The following RGS6 variants were observed in gnomAD, a reference collection of about 807,000 sequenced individuals.
The protein encoded by RGS6 is regulator of G protein signaling 6.
RGS6 carries 30 observed loss-of-function variants against 78.5 expected under a neutral mutation model. The ratio of observed to expected loss-of-function variants is 0.38; its 90% CI spans 0.29 to 0.52. RGS6 has a LOEUF of 0.52. Among genes scored for constraint, RGS6 ranks in the 20% least tolerant of loss-of-function variants. The pLI is 0.85. For missense variants in RGS6, 495 were observed against 609.7 expected (o/e 0.81, Z 1.98); for synonymous variants, 206 against 206.0 (o/e 1.00, Z 0.00).
chr14:72,182,837 T>C lies in RGS6; in HGVS notation c.85-169258T>C, dbSNP rs140035891. Reference sequence around the variant, plus strand: ...GAATGGGCACGATTTAGCAGAACTTTACAAAGCTGTGTCTTGAAGAGCTTT... The same window carrying C: ...GAATGGGCACGATTTAGCAGAACTTCACAAAGCTGTGTCTTGAAGAGCTTT... On this transcript the variant is annotated intron_variant, in intron 2 of 17. Transcript: ENST00000553525. Among the ~76,000 whole-genome samples, 300 of 152,358 alleles carry C rather than the reference T, an allele frequency of 2.0e-3. 2 individuals carry two copies. The highest frequency in any genetic ancestry group is 6.6e-3 in the African/African-American group (275 of 41,582).
chr14:72,104,847 A>T (rs2095600780), intron 2 of RGS6, among the ~76,000 whole-genome samples: 2 of 152,172 alleles, frequency 1.3e-5, no homozygotes, highest in Non-Finnish European at 2.9e-5. Flanking sequence ...TAGGGTACAG[A>T]ATTCTGTGTT....
chr14:71,885,231 C>T, the RGS6 span, among the ~76,000 whole-genome samples: 1 of 152,174 alleles, frequency 6.6e-6, no homozygotes, highest in African/African-American at 2.4e-5. Context: ...AAAACCTAAA[C>T]ATTTCTACTC....
At chr14:72,626,791 C>T in the RGS6 span, among the ~76,000 whole-genome samples, 7 of 152,074 alleles carry the variant, frequency 4.6e-5, no homozygotes, top group African/African-American at 1.7e-4. Context: ...TGTATTCCCA[C>T]CAACAATGTA....
chr14:72,550,354 C>T, intron 17 of RGS6: 1 of 930,210 alleles, frequency 1.1e-6, no homozygotes. Context: ...CAGAGGGCAC[C>T]TGTACTTAGT....
At chr14:72,159,180 C>T (rs1197299735) in intron 2 of RGS6, among the ~76,000 whole-genome samples, 1 of 152,186 alleles carries the variant, frequency 6.6e-6, no homozygotes, top group East Asian at 1.9e-4. Flanking sequence ...GAGTTAGTTA[C>T]ATTTTACAGA....
At chr14:72,541,721 T>G in intron 17 of RGS6, 2 of 1,308,292 alleles carry the variant, frequency 1.5e-6, no homozygotes, top group Non-Finnish European at 2.1e-6. Flanking sequence ...AGGGTGCCTG[T>G]GTAAGCAGAG....
intron 2 of RGS6, among the ~76,000 whole-genome samples, chr14:72,300,544 A>G (rs540238226): frequency 5.5e-4 from 84 of 152,314 alleles, no homozygotes; most frequent in African/African-American, 1.1e-3. Context: ...CTTATTTGTT[A>G]AACACCTGGA....
At chr14:72,226,032 C>A (rs2048050023) in intron 2 of RGS6, among the ~76,000 whole-genome samples, 1 of 152,110 alleles carries the variant, frequency 6.6e-6, no homozygotes, top group Non-Finnish European at 1.5e-5. Flanking sequence ...ATCCAGTTTT[C>A]TTGCTTAAAA....
chr14:72,106,769 T>C (rs2095641609), intron 2 of RGS6, among the ~76,000 whole-genome samples: 1 of 152,170 alleles, frequency 6.6e-6, no homozygotes, highest in African/African-American at 2.4e-5. Context: ...CTGTTAGACC[T>C]GTTGGAGGTT....
chr14:71,996,684 C>G (rs544935775), intron 2 of RGS6, among the ~76,000 whole-genome samples: 1 of 151,750 alleles, frequency 6.6e-6, no homozygotes, highest in Admixed American at 6.6e-5. Flanking sequence ...ATATAACAGA[C>G]GGTCAATAAA....
At chr14:72,351,309 G>A (rs1363634470) in intron 2 of RGS6, among the ~76,000 whole-genome samples, 1 of 152,084 alleles carries the variant, frequency 6.6e-6, no homozygotes, top group Non-Finnish European at 1.5e-5. Flanking sequence ...AAATTACTCT[G>A]GCTCGTAAAT....
chr14:72,300,182 ATCTT>A (rs954107504), intron 2 of RGS6, among the ~76,000 whole-genome samples: 10 of 151,498 alleles, frequency 6.6e-5, no homozygotes, highest in African/African-American at 2.4e-4. Context: ...CTTTTTCTCT[ATCTT>A]TTTTTTTTCT....
chr14:72,334,928 C>T (rs1275300699), intron 2 of RGS6, among the ~76,000 whole-genome samples: 2 of 152,174 alleles, frequency 1.3e-5, no homozygotes, highest in African/African-American at 4.8e-5. Flanking sequence ...TATGGTTTGG[C>T]TGTGTCCACA....
chr14:72,353,988 A>ACAG (rs1229845854), intron 3 of RGS6, among the ~76,000 whole-genome samples: 9 of 151,232 alleles, frequency 6.0e-5, no homozygotes, highest in Non-Finnish European at 1.0e-4. Context: ...TGTCTCAGCA[A>ACAG]CAACAACAAC....
intron 2 of RGS6, among the ~76,000 whole-genome samples, chr14:72,168,850 C>A (rs918607912): frequency 6.6e-6 from 1 of 152,148 alleles, no homozygotes. Flanking sequence ...CAGGCAGGAG[C>A]CTTTCTTGCC....
chr14:72,257,237 C>T (rs891346193), intron 2 of RGS6, among the ~76,000 whole-genome samples: 5 of 152,166 alleles, frequency 3.3e-5, no homozygotes, highest in African/African-American at 1.2e-4. Context: ...TTCAAAACTG[C>T]TTTAGAGTTT....
rs536329926 is a variant in RGS6, at chr14:72,468,573, C to T, written c.460-1434C>T. On this transcript the variant is annotated intron_variant, in intron 7 of 17. Transcript: ENST00000553525. ...GAGAATATAACCTGTGACTCCCCCT[C>T]ACCTAAGTTTTTTCTATGCATACAT... 2.0e-5 allele frequency among the ~76,000 whole-genome samples: 3 copies of T among 152,296 alleles called. No homozygotes were observed. In the South Asian group the frequency reaches 6.2e-4, roughly 32 times the overall value.
chr14:72,587,558 ATAAT>A, the RGS6 span, among the ~76,000 whole-genome samples: 3 of 152,152 alleles, frequency 2.0e-5, no homozygotes, highest in Non-Finnish European at 4.4e-5. Context: ...AAACTGGCAA[ATAAT>A]TAATATACCC....
At chr14:72,211,871 G>A (rs973437427) in intron 2 of RGS6, among the ~76,000 whole-genome samples, 1 of 152,214 alleles carries the variant, frequency 6.6e-6, no homozygotes, top group African/African-American at 2.4e-5. Context: ...TGGAAAATAA[G>A]GGAAGGGGCA....
Sources: allele counts gnomAD v4.1 joint callset (sites outside exome capture counted in the v4.1 genomes callset), GRCh38; gene constraint gnomAD v4.1.1; transcripts MANE v1.5; gene names NCBI Gene and HGNC (gene_info 2026-07-23, HGNC 2026-07-21).